Variants in GFOD1 observed in about 807,000 individuals in gnomAD.
GFOD1 encodes Gfo/Idh/MocA-like oxidoreductase domain containing 1, also known as glucose-fructose oxidoreductase domain-containing protein 1.
In GFOD1, 9 loss-of-function variants were observed where a neutral mutation model predicts 25.4. That is an observed-to-expected ratio of 0.35 (90% CI 0.21 to 0.62). The LOEUF is 0.62. GFOD1 is among the 20% of genes least tolerant of loss of function. The pLI, the probability that GFOD1 is intolerant of heterozygous loss-of-function variation, is 0.72. For synonymous variants in GFOD1, 253 were observed against 245.6 expected (o/e 1.03, Z -0.28); for missense variants, 403 against 556.9 (o/e 0.72, Z 2.78).
At chr6:13,449,679 A>G (rs1758061781) in intron 1 of GFOD1, among the ~76,000 whole-genome samples, 1 of 152,070 alleles carries the variant, frequency 6.6e-6, no homozygotes, top group African/African-American at 2.4e-5. Flanking sequence ...ACAAGATCTG[A>G]TAGTTTTATA....
chr6:13,479,162 T>C (rs78231241), intron 1 of GFOD1, among the ~76,000 whole-genome samples: 247 of 152,188 alleles, frequency 1.6e-3, no homozygotes, highest in Non-Finnish European at 2.3e-3. Context: ...AAAAGCACCA[T>C]TTGGAAGAGT....
intron 1 of GFOD1, among the ~76,000 whole-genome samples, chr6:13,395,350 A>G (rs1192250975): frequency 6.6e-6 from 1 of 152,206 alleles, no homozygotes; most frequent in African/African-American, 2.4e-5. Flanking sequence ...CCATCTCCCA[A>G]GAGGCACTGG....
At chr6:13,408,030 G>A in intron 1 of GFOD1, 1 of 985,388 alleles carries the variant, frequency 1.0e-6, no homozygotes, top group South Asian at 4.7e-5. Flanking sequence ...CTATAATCTG[G>A]TGAAGGCATG....
intron 1 of GFOD1, among the ~76,000 whole-genome samples, chr6:13,452,340 C>G (rs59159138): frequency 1.3e-5 from 2 of 152,142 alleles, no homozygotes; most frequent in South Asian, 4.1e-4. Context: ...GAAAACATGC[C>G]AGTTCTTAGG....
rs530268309 is a variant in GFOD1, at chr6:13,364,980, C to G, written c.936G>C (p.Ala312=). The G allele has an allele frequency of 1.5e-4, 248 of 1,610,238 alleles. 1 individual carries two copies. The South Asian group carries it at 1.9e-3, about 12-fold the overall frequency. The change falls in exon 2 of 2, where the codon GCG becomes GCC. Residue 312 remains alanine, a synonymous_variant. Transcript: ENST00000379287. The surrounding 1 kb of genome is among the most constrained non-coding windows in gnomAD (Gnocchi z 4.1). ...YLRGTIKMMQ[A]VRQAFQDQDD... ...CCTGGTCCTGGAAGGCCTGGCGCAC[C>G]GCCTGCATCATCTTGATGGTGCCGC...
At chr6:13,373,404 T>C (rs6911459) in intron 1 of GFOD1, among the ~76,000 whole-genome samples, 12,927 of 152,202 alleles carry the variant, frequency 0.085, 1,769 homozygotes, top group African/African-American at 0.29. Flanking sequence ...CTGCTAATAC[T>C]GGACTGTTTA....
At position 13,425,121 on chromosome 6, in the gene GFOD1, G is replaced by C. The variant is rs184369395; in HGVS notation, c.254-59459C>G. Among the ~76,000 whole-genome samples the C allele has an allele frequency of 7.2e-5, 11 of 151,950 alleles. No homozygotes were observed. In the East Asian group the frequency reaches 1.9e-3, roughly 27 times the overall value. ...CCACAGGCACATGCCACAATACTGG[G>C]CTAATTTTTTGTTTATTTTGTAGAG... On this transcript the variant is annotated intron_variant, in intron 1 of 1. Transcript: ENST00000379287.
At chr6:13,444,388 C>CAAA (rs112422613) in intron 1 of GFOD1, among the ~76,000 whole-genome samples, 2 of 120,904 alleles carry the variant, frequency 1.7e-5, no homozygotes, top group African/African-American at 5.9e-5. Flanking sequence ...GGGAGAGAAG[C>CAAA]AAAAAAAAAA....
At chr6:13,376,891 G>A (rs78172791) in intron 1 of GFOD1, among the ~76,000 whole-genome samples, 2 of 152,178 alleles carry the variant, frequency 1.3e-5, no homozygotes, top group Non-Finnish European at 2.9e-5. Flanking sequence ...TATCCTCACT[G>A]TGTGTACAGT....
intron 1 of GFOD1, among the ~76,000 whole-genome samples, chr6:13,446,538 C>G (rs958166161): frequency 1.3e-5 from 2 of 152,146 alleles, no homozygotes; most frequent in Non-Finnish European, 2.9e-5. Flanking sequence ...AGAGTCTGAG[C>G]AACAGCCAAG....
intron 1 of GFOD1, among the ~76,000 whole-genome samples, chr6:13,371,523 G>A (rs921851877): frequency 6.6e-6 from 1 of 152,196 alleles, no homozygotes; most frequent in Non-Finnish European, 1.5e-5. Flanking sequence ...AACAATTTCA[G>A]AGATAAAAAT....
intron 1 of GFOD1, chr6:13,469,834 A>AG: frequency 8.8e-7 from 1 of 1,138,862 alleles, no homozygotes; most frequent in Non-Finnish European, 1.2e-6. Context: ...TCCACATTGG[A>AG]GGTTGGCCAT....
chr6:13,390,721 GA>G (rs35776140), intron 1 of GFOD1, among the ~76,000 whole-genome samples: 32,942 of 111,310 alleles, frequency 0.3, 4,692 homozygotes, highest in East Asian at 0.53. Flanking sequence ...GAGACCCTGT[GA>G]AAAAAAAAAA....
chr6:13,385,310 C>T (rs946241272), intron 1 of GFOD1, among the ~76,000 whole-genome samples: 1 of 152,192 alleles, frequency 6.6e-6, no homozygotes, highest in African/African-American at 2.4e-5. Context: ...CCATGGAGCT[C>T]TGGTCCTACT....
intron 1 of GFOD1, among the ~76,000 whole-genome samples, chr6:13,474,273 G>C (rs1758569368): frequency 6.6e-6 from 1 of 152,170 alleles, no homozygotes. Context: ...CAGCTACTGG[G>C]GAGGCTGAGG....
At chr6:13,373,236 C>T (rs1244943571) in intron 1 of GFOD1, among the ~76,000 whole-genome samples, 1 of 152,116 alleles carries the variant, frequency 6.6e-6, no homozygotes, top group East Asian at 1.9e-4. Context: ...GCTGCCCAAC[C>T]GATTTGGGCA....
intron 1 of GFOD1, among the ~76,000 whole-genome samples, chr6:13,459,084 C>T (rs9370128): frequency 0.15 from 23,364 of 151,992 alleles, 2,034 homozygotes; most frequent in South Asian, 0.26. Flanking sequence ...GCCAGGGCCA[C>T]AAGGGCTCTG....
Position 13,367,066 on chromosome 6 carries a change from TATC to T in GFOD1, c.254-1407_254-1405del, listed in dbSNP as rs889256053. On this transcript the variant is annotated intron_variant, in intron 1 of 1. Transcript: ENST00000379287. ...TACATATAAAATATATTGTTACAGT[TATC>T]ATATATATAAAATGTTTGATATGTT... Among the ~76,000 whole-genome samples, 158 of 152,090 alleles carry T rather than the reference TATC, an allele frequency of 1.0e-3. 2 individuals are homozygous for T. Among genetic ancestry groups the T allele is most frequent in the Admixed American group, 8.4e-3 (128 of 15,274 alleles).
chr6:13,376,300 G>A (rs1785255428), intron 1 of GFOD1, among the ~76,000 whole-genome samples: 1 of 152,148 alleles, frequency 6.6e-6, no homozygotes, highest in Non-Finnish European at 1.5e-5. Context: ...AAAATGGCCA[G>A]GACTGTGAAC....
Sources: gnomAD v4.1 joint callset for allele counts (sites outside exome capture counted in the v4.1 genomes callset) on GRCh38, gnomAD v4.1.1 for gene constraint, Gnocchi (gnomAD v3.1) non-coding constraint, MANE v1.5 for transcripts, NCBI Gene and HGNC (gene_info 2026-07-23, HGNC 2026-07-21) for gene names.